The following HDAC9 variants were observed in gnomAD, a reference collection of about 807,000 sequenced individuals.
HDAC9 encodes the protein histone deacetylase 9, also known as MEF-2 interacting transcription repressor (MITR) protein.
A neutral mutation model predicts 139.4 loss-of-function variants in HDAC9; 41 were observed. The ratio of observed to expected loss-of-function variants is 0.29; its 90% CI spans 0.23 to 0.38. HDAC9 has a LOEUF of 0.38. Among genes scored for constraint, HDAC9 ranks in the 10% least tolerant of loss-of-function variants. The pLI is 1.00. For missense variants in HDAC9, 1,147 were observed against 1,297.0 expected, an observed-to-expected ratio of 0.88 and a Z score of 1.78; for synonymous variants, 517 against 476.2, an observed-to-expected ratio of 1.09 and a Z score of -1.12.
intron 1 of HDAC9, among the ~76,000 whole-genome samples, chr7:18,471,085 G>A (rs1794688195): frequency 6.6e-6 from 1 of 151,742 alleles, no homozygotes; most frequent in Non-Finnish European, 1.5e-5. Flanking sequence ...ATAATTGACC[G>A]AGAAAATATG....
intron 1 of HDAC9, among the ~76,000 whole-genome samples, chr7:18,489,911 G>C (rs1442722352): frequency 6.6e-6 from 1 of 151,950 alleles, no homozygotes; most frequent in Admixed American, 6.6e-5. Flanking sequence ...GCTGAGCAGG[G>C]AAAAGCTGTG....
intron 14 of HDAC9, among the ~76,000 whole-genome samples, chr7:18,750,099 A>G (rs1360043291): frequency 6.6e-6 from 1 of 152,216 alleles, no homozygotes; most frequent in Non-Finnish European, 1.5e-5. Context: ...AGAAATGCCA[A>G]AGCAGACAGA....
intron 1 of HDAC9, among the ~76,000 whole-genome samples, chr7:18,154,733 C>A (rs144796704): frequency 2.1e-4 from 32 of 152,264 alleles, no homozygotes; most frequent in South Asian, 1.2e-3. Flanking sequence ...AAAGAAATCA[C>A]AGAATTTTAA....
chr7:18,219,409 T>G (rs947752113), intron 2 of HDAC9, among the ~76,000 whole-genome samples: 2 of 152,198 alleles, frequency 1.3e-5, no homozygotes, highest in African/African-American at 4.8e-5. Flanking sequence ...ATTAGTTTGT[T>G]GGTGACTAAA....
At chr7:18,615,622 G>T (rs992728764) in intron 6 of HDAC9, among the ~76,000 whole-genome samples, 3 of 152,126 alleles carry the variant, frequency 2.0e-5, no homozygotes, top group Non-Finnish European at 4.4e-5. Context: ...GTGGCAAAGT[G>T]CTAAGTAAAT....
At chr7:18,335,392 A>G (rs1437497926) in intron 1 of HDAC9, among the ~76,000 whole-genome samples, 2 of 151,454 alleles carry the variant, frequency 1.3e-5, no homozygotes, top group African/African-American at 2.4e-5. Flanking sequence ...CAGAGATCCC[A>G]TCTCATGGTT....
At chr7:18,653,846 A>G (rs1385979526) in intron 11 of HDAC9, among the ~76,000 whole-genome samples, 1 of 151,970 alleles carries the variant, frequency 6.6e-6, no homozygotes, top group African/African-American at 2.4e-5. Context: ...TTTTGACATA[A>G]TTTTCTAACA....
chr7:18,099,832 C>A (rs547592997), intron 1 of HDAC9, among the ~76,000 whole-genome samples: 1 of 152,184 alleles, frequency 6.6e-6, no homozygotes, highest in Non-Finnish European at 1.5e-5. Context: ...AAAGCCCTTA[C>A]TACATTCGTA....
At chr7:18,115,520 TGTA>T (rs1783921822) in intron 1 of HDAC9, among the ~76,000 whole-genome samples, 1 of 152,220 alleles carries the variant, frequency 6.6e-6, no homozygotes, top group African/African-American at 2.4e-5. Context: ...TTTCTGAAAA[TGTA>T]GTAGATTCCA....
intron 12 of HDAC9, among the ~76,000 whole-genome samples, chr7:18,705,901 T>A (rs1049197604): frequency 6.9e-6 from 1 of 144,044 alleles, no homozygotes; most frequent in Non-Finnish European, 1.5e-5. Flanking sequence ...TTCAGACCCA[T>A]AGGCATTATG....
At position 18,978,653 on chromosome 7, in the gene HDAC9, C is replaced by T. The variant is rs557251268; in HGVS notation, c.3170+2700C>T. On this transcript the variant is annotated intron_variant, in intron 25 of 25. Coordinates refer to ENST00000686413, the MANE Select transcript of HDAC9 (RefSeq NM_178425.4). ...ATAGTCAAAGAAAATTAAATATATACGTCTGGTCACATATAGCATACTACT... is the reference window on the plus strand; with the variant it reads ...ATAGTCAAAGAAAATTAAATATATATGTCTGGTCACATATAGCATACTACT... Among the ~76,000 whole-genome samples the T allele has an allele frequency of 3.3e-4, 51 of 152,252 alleles. 1 individual carries two copies. Among genetic ancestry groups the T allele is most frequent in the African/African-American group, 1.1e-3 (47 of 41,558 alleles).
intron 11 of HDAC9, among the ~76,000 whole-genome samples, chr7:18,652,470 A>C (rs1222392320): frequency 6.6e-6 from 1 of 151,914 alleles, no homozygotes; most frequent in African/African-American, 2.4e-5. Flanking sequence ...ATTTTAAAGA[A>C]GTATTCTAAG....
At chr7:18,553,277 A>T (rs1308882135) in intron 2 of HDAC9, among the ~76,000 whole-genome samples, 2 of 152,048 alleles carry the variant, frequency 1.3e-5, no homozygotes, top group East Asian at 3.9e-4. Flanking sequence ...AACTGTGTTT[A>T]TTTGCCTGTG....
chr7:18,678,191 A>T (rs1202376438), intron 12 of HDAC9, among the ~76,000 whole-genome samples: 1 of 151,846 alleles, frequency 6.6e-6, no homozygotes, highest in Non-Finnish European at 1.5e-5. Context: ...AATCTTGATT[A>T]CGGTTGCTAT....
intron 12 of HDAC9, among the ~76,000 whole-genome samples, chr7:18,725,605 C>T (rs1034576913): frequency 6.6e-6 from 1 of 152,006 alleles, no homozygotes; most frequent in Non-Finnish European, 1.5e-5. Context: ...CCATGTCTTA[C>T]ATGGGAGCTG....
intron 2 of HDAC9, chr7:18,578,075 C>G (rs1332948329): frequency 4.9e-5 from 25 of 509,936 alleles, no homozygotes; most frequent in South Asian, 3.0e-4. Context: ...GCTAGAATCC[C>G]AAAGATCCCT....
rs1781592312 is a variant in HDAC9, at chr7:18,935,842, T to C, written c.2837T>C (p.Leu946Ser). 2 of 1,613,768 alleles carry C rather than the reference T, an allele frequency of 1.2e-6. No homozygotes were observed. The highest frequency in any genetic ancestry group is 1.3e-5 in the African/African-American group (1 of 75,052). Residue 946 changes from leucine (L) to serine (S), a missense_variant, in exon 23 of 26, where the codon TTG becomes TCG. Coordinates refer to ENST00000686413, the MANE Select transcript of HDAC9 (RefSeq NM_178425.4). ...CATTTGACGAAGCAATTGATGACAT[T>C]GGCTGATGGACGTGTGGTGTTGGCT... ...FGHLTKQLMT[L>S]ADGRVVLALE... is the part of the protein sequence containing the mutation.
intron 2 of HDAC9, among the ~76,000 whole-genome samples, chr7:18,177,118 TTTTC>T (rs1788978018): frequency 6.6e-6 from 1 of 152,202 alleles, no homozygotes; most frequent in African/African-American, 2.4e-5. Flanking sequence ...CCTTTCTTAG[TTTTC>T]TTTCTTTTTC....
At position 18,980,707 on chromosome 7, in the gene HDAC9, C is replaced by CTT. The variant is rs1437879292; in HGVS notation, c.3170+4754_3170+4755insTT. Among the ~76,000 whole-genome samples, 962 of 125,892 alleles carry CTT rather than the reference C, an allele frequency of 7.6e-3. 14 individuals are homozygous for CTT. The highest frequency in any genetic ancestry group is 0.016 in the African/African-American group (565 of 35,834). The allele number at this position is 125,892 out of a possible 152,430, so 82.6% of individuals were successfully genotyped here. A position where few individuals can be genotyped will look rare whatever the true frequency, so the allele number is the denominator to read the frequency against. On this transcript the variant is annotated intron_variant, in intron 25 of 25. Coordinates refer to ENST00000686413, the MANE Select transcript of HDAC9 (RefSeq NM_178425.4). Reference sequence around the variant, plus strand: ...CTTCTTGTTCTTCTTCCTTCTTCTTCCTTCTTCCTCTTCTTCTTCCTTCTT... The same window carrying CTT: ...CTTCTTGTTCTTCTTCCTTCTTCTTCTTCTTCTTCCTCTTCTTCTTCCTTCTT...
Sources: allele counts gnomAD v4.1 joint callset (sites outside exome capture counted in the v4.1 genomes callset), GRCh38; gene constraint gnomAD v4.1.1; transcripts MANE v1.5; gene names NCBI Gene and HGNC (gene_info 2026-07-23, HGNC 2026-07-21).